WFS1: variants seen among roughly 807,000 people sequenced by gnomAD.
WFS1 encodes wolframin.
In WFS1, 90 loss-of-function variants were observed where a neutral mutation model predicts 68.5. That is an observed-to-expected ratio of 1.31 (90% CI 1.11 to 1.56). WFS1 has a LOEUF of 1.56. Ranked by LOEUF, WFS1 falls within the 40% of genes most tolerant of loss-of-function variation. The pLI is 0.00. For synonymous variants in WFS1, 860 were observed against 540.7 expected, an observed-to-expected ratio of 1.59 and a Z score of -8.19; for missense variants, 1,767 against 1,232.6, an observed-to-expected ratio of 1.43 and a Z score of -6.49.
At position 6,300,862 on chromosome 4, in the gene WFS1, C is replaced by A; in HGVS notation, c.1067C>A (p.Ser356Tyr). Residue 356 changes from serine to tyrosine, a missense_variant, in exon 8 of 8, where the codon TCC becomes TAC. Coordinates refer to ENST00000226760, the MANE Select transcript of WFS1 (RefSeq NM_006005.3). Reference protein sequence around the residue: ...PLVIFYLSFISMVICTLKVFQ... With the variant: ...PLVIFYLSFIYMVICTLKVFQ... ...GTCATCTTCTACCTGTCCTTCATCT[C>A]CATGGTGATCTGCACCCTCAAGGTG... 5.6e-6 allele frequency: 9 copies of A among 1,614,140 alleles called. No homozygotes were observed. Among genetic ancestry groups the A allele is most frequent in the Non-Finnish European group, 7.6e-6 (9 of 1,180,020 alleles).
In WFS1 at chr4:6,287,483, C is replaced by A. The variant is rs894805741; in HGVS notation, c.315+308C>A. Among the ~76,000 whole-genome samples, 1 of 152,218 alleles carries A rather than the reference C, an allele frequency of 6.6e-6. No homozygotes were observed. The highest frequency in any genetic ancestry group is 1.5e-5 in the Non-Finnish European group (1 of 68,046). The stretch of plus-strand genomic sequence containing the variant: ...CTGCAGCTGCCTGCTCAGTGCCACC[C>A]CTCAACATACACTGTGTATGCTGCC... On this transcript the variant is annotated intron_variant, in intron 3 of 7. Coordinates refer to ENST00000226760, the MANE Select transcript of WFS1 (RefSeq NM_006005.3). The surrounding 1 kb of genome is among the most constrained non-coding windows in gnomAD (Gnocchi z 6.4).
chr4:6,272,553 T>C (rs551281565), intron 1 of WFS1, among the ~76,000 whole-genome samples: 9 of 152,302 alleles, frequency 5.9e-5, no homozygotes, highest in Admixed American at 5.9e-4. Flanking sequence ...AGAGCAGACA[T>C]CCCAGGGCCA....
intron 7 of WFS1, among the ~76,000 whole-genome samples, chr4:6,295,415 G>A (rs1236504221): frequency 2.0e-5 from 3 of 152,162 alleles, no homozygotes; most frequent in Non-Finnish European, 4.4e-5. Context: ...AACCAGGGGC[G>A]GTGTTGGGCA....
Position 6,301,252 on chromosome 4 carries a change from A to G in WFS1, c.1457A>G (p.Gln486Arg). The G allele has an allele frequency of 6.2e-7, 1 of 1,611,480 alleles. No homozygotes were observed. ...LNWPYLKVLG[Q>R]TFITVPVGHL... is the part of the protein sequence containing the mutation. The stretch of plus-strand genomic sequence containing the variant: ...TGGCCCTACCTGAAGGTCCTTGGCC[A>G]GACCTTCATCACCGTGCCTGTCGGC... The change falls in exon 8 of 8, where the codon CAG becomes CGG. Residue 486 changes from glutamine to arginine, a missense_variant. By Grantham distance (43) the Gln-to-Arg change is conservative. Transcript: ENST00000226760.
chr4:6,286,349 C>T (rs933614115), intron 2 of WFS1, among the ~76,000 whole-genome samples: 1 of 152,168 alleles, frequency 6.6e-6, no homozygotes. Flanking sequence ...CCTCAGGGAG[C>T]TCCCTTGCCC....
chr4:6,302,319 C>T lies in WFS1; in HGVS notation c.2524C>T (p.Leu842Phe), dbSNP rs71530915. The T allele has an allele frequency of 1.9e-6, 3 of 1,611,958 alleles. No homozygotes were observed. The highest frequency in any genetic ancestry group is 2.5e-6 in the Non-Finnish European group (3 of 1,179,700). ...GGGCAGCAAGTGGCCTGTCTTCGAG[C>T]TCAAGGCCATCAGCTGCCTCAACTG... is the stretch of plus-strand genomic sequence containing the variant. ...RLGSKWPVFELKAISCLNCMA... is the reference protein window; with the variant it reads ...RLGSKWPVFEFKAISCLNCMA... Residue 842 changes from leucine to phenylalanine, a missense_variant, in exon 8 of 8, where the codon CTC (leucine) becomes TTC (phenylalanine). Transcript: ENST00000226760.
At chr4:6,273,129 C>T (rs1427267324) in intron 1 of WFS1, among the ~76,000 whole-genome samples, 1 of 152,210 alleles carries the variant, frequency 6.6e-6, no homozygotes, top group Admixed American at 6.5e-5. Flanking sequence ...GGGGTTGCCC[C>T]CCCAGAGAGA....
chr4:6,275,816 C>T (rs1027889903), intron 1 of WFS1, among the ~76,000 whole-genome samples: 1 of 152,198 alleles, frequency 6.6e-6, no homozygotes, highest in Non-Finnish European at 1.5e-5. Flanking sequence ...GTCACAGCTG[C>T]CCCCAAAAGT....
At chr4:6,282,375 T>A (rs973098082) in intron 2 of WFS1, among the ~76,000 whole-genome samples, 3 of 152,214 alleles carry the variant, frequency 2.0e-5, no homozygotes, top group African/African-American at 7.2e-5. Context: ...GCACATCCTC[T>A]TTTCTTTCTA....
chr4:6,293,086 T>C (rs1412867822), intron 6 of WFS1, among the ~76,000 whole-genome samples: 1 of 152,130 alleles, frequency 6.6e-6, no homozygotes, highest in Non-Finnish European at 1.5e-5. Context: ...GCTGTGACAG[T>C]GTCCTGCCAC....
intron 5 of WFS1, among the ~76,000 whole-genome samples, chr4:6,291,634 A>G (rs937422275): frequency 6.6e-6 from 1 of 152,208 alleles, no homozygotes; most frequent in Non-Finnish European, 1.5e-5. Flanking sequence ...TGAATAAACC[A>G]GAGGGTATTC....
Position 6,289,025 on chromosome 4 carries a change from T to A in WFS1, c.354T>A (p.Asp118Glu), listed in dbSNP as rs1730389872. ...ACCTGCAGTTGGCCGGCGACACGGATGAAGAACTCAACAGCTGCACCGCTG... is the reference window on the plus strand; with the variant it reads ...ACCTGCAGTTGGCCGGCGACACGGAAGAAGAACTCAACAGCTGCACCGCTG... The part of the protein sequence containing the change: ...KHYLQLAGDT[D>E]EELNSCTAVD... Residue 118 changes from aspartate to glutamate, a missense_variant, in exon 4 of 8, where the codon GAT (aspartate) becomes GAA (glutamate). Transcript: ENST00000226760. 1.2e-6 allele frequency: 2 copies of A among 1,608,004 alleles called. No homozygotes were observed. Among genetic ancestry groups the A allele is most frequent in the East Asian group, 2.2e-5 (1 of 44,700 alleles).
At position 6,302,008 on chromosome 4, in the gene WFS1, C is replaced by T; in HGVS notation, c.2213C>T (p.Ala738Val). ...TGGATGCGCTGCCTCTACGGCGAGG[C>T]CTACCCTGCCTGCAGCCCTGGCAAC... ...GDWMRCLYGE[A>V]YPACSPGNTS... The change falls in exon 8 of 8, where the codon GCC (alanine) becomes GTC (valine). Residue 738 changes from alanine (A) to valine (V), a missense_variant. Ala to Val is a moderately conservative substitution (Grantham distance 64). Coordinates refer to ENST00000226760, the MANE Select transcript of WFS1 (RefSeq NM_006005.3). 6.2e-7 allele frequency: 1 copy of T among 1,612,690 alleles called. No homozygotes were observed. Among genetic ancestry groups the T allele is most frequent in the Non-Finnish European group, 8.5e-7 (1 of 1,179,892 alleles).
In WFS1 at chr4:6,301,433, C is replaced by G; in HGVS notation, c.1638C>G (p.Val546=). ...VCFMWCELSV[V]ILLESTGLGL... is the part of the protein sequence containing the mutation. ...TCATGTGGTGTGAGCTCTCCGTGGT[C>G]ATCCTGCTGGAGTCCACCGGCCTGG... Residue 546 remains valine (V), a synonymous_variant, in exon 8 of 8, where the codon GTC becomes GTG. Coordinates refer to ENST00000226760, the MANE Select transcript of WFS1 (RefSeq NM_006005.3). 6.2e-7 allele frequency: 1 copy of G among 1,612,490 alleles called. No individual in the cohort carries two copies. Among genetic ancestry groups the G allele is most frequent in the Non-Finnish European group, 8.5e-7 (1 of 1,180,034 alleles).
intron 2 of WFS1, among the ~76,000 whole-genome samples, chr4:6,285,946 TTGA>T (rs1240583032): frequency 8.5e-5 from 13 of 152,158 alleles, no homozygotes; most frequent in Admixed American, 8.5e-4. Flanking sequence ...CAAACTGTAG[TTGA>T]TGTTTTGACC....
intron 6 of WFS1, among the ~76,000 whole-genome samples, chr4:6,293,983 G>A (rs1334694482): frequency 1.3e-5 from 2 of 150,774 alleles, no homozygotes; most frequent in East Asian, 3.9e-4. Context: ...CCACTTGTGT[G>A]GGCCCCCCCA....
intron 1 of WFS1, among the ~76,000 whole-genome samples, chr4:6,271,876 C>T (rs1036262182): frequency 5.3e-5 from 8 of 152,208 alleles, no homozygotes; most frequent in South Asian, 4.1e-4. Flanking sequence ...CTCAGGGACC[C>T]GCCTCGCTGC....
chr4:6,285,374 A>AAG (rs1730285686), intron 2 of WFS1, among the ~76,000 whole-genome samples: 1 of 143,976 alleles, frequency 6.9e-6, no homozygotes, highest in Non-Finnish European at 1.5e-5. Flanking sequence ...GCATCAAGGG[A>AAG]GAGGGGTGTC....
At chr4:6,295,933 A>G (rs944979260) in intron 7 of WFS1, among the ~76,000 whole-genome samples, 1 of 152,218 alleles carries the variant, frequency 6.6e-6, no homozygotes, top group Admixed American at 6.5e-5. Flanking sequence ...CAGGATTTCC[A>G]GAAGCTTGGC....
Sources: gnomAD v4.1 joint callset for allele counts (sites outside exome capture counted in the v4.1 genomes callset) on GRCh38, gnomAD v4.1.1 for gene constraint, Gnocchi (gnomAD v3.1) non-coding constraint, MANE v1.5 for transcripts, NCBI Gene and HGNC (gene_info 2026-07-23, HGNC 2026-07-21) for gene names.